The following TOR1AIP2 variants were observed in gnomAD, a reference collection of about 807,000 sequenced individuals.
The protein encoded by TOR1AIP2 is torsin-1A-interacting protein 2.
Under a neutral mutation model 32.6 loss-of-function variants are expected in TOR1AIP2, and 20 were observed. The observed-to-expected ratio is 0.61, with a 90% confidence interval of 0.43 to 0.89. The LOEUF is 0.89. TOR1AIP2 is among the 40% of genes least tolerant of loss of function. The pLI is 0.00. For synonymous variants in TOR1AIP2, 214 were observed against 210.8 expected, an observed-to-expected ratio of 1.02 and a Z score of -0.13; for missense variants, 456 against 553.8, an observed-to-expected ratio of 0.82 and a Z score of 1.77.
chr1:179,863,142 C>A (rs1696617406), intron 3 of TOR1AIP2: 4 of 593,752 alleles, frequency 6.7e-6, no homozygotes, highest in Non-Finnish European at 8.4e-6. Flanking sequence ...AGGAGAATTG[C>A]TTGAACCCGG....
At chr1:179,863,223 C>CTA (rs1361471685) in intron 3 of TOR1AIP2, 1 of 610,446 alleles carries the variant, frequency 1.6e-6, no homozygotes, top group Non-Finnish European at 1.9e-6. Flanking sequence ...GACTCTGTCT[C>CTA]AAAAAAAAAA....
intron 5 of TOR1AIP2, among the ~76,000 whole-genome samples, chr1:179,847,973 C>A (rs957926492): frequency 2.0e-5 from 3 of 147,006 alleles, no homozygotes; most frequent in Non-Finnish European, 4.4e-5. Flanking sequence ...GTGGAGGTTG[C>A]AGTGAGCCGA....
chr1:179,847,858 AC>A (rs1695970056), intron 5 of TOR1AIP2, among the ~76,000 whole-genome samples: 1 of 152,020 alleles, frequency 6.6e-6, no homozygotes, highest in South Asian at 2.1e-4. Flanking sequence ...ACAAGGTGAA[AC>A]CCTGTCTCTA....
rs1167242860 is a variant in TOR1AIP2 at position 179,845,965 on chromosome 1, C to G, written c.*106G>C. 1 of 995,934 alleles carries G rather than the reference C, an allele frequency of 1.0e-6. No individual in the cohort carries two copies. The allele number at this position is 995,934 out of a possible 1,614,324, so 61.7% of individuals were successfully genotyped here. On this transcript the variant is annotated 3_prime_UTR_variant, in exon 7 of 7. Transcript: ENST00000609928. ...AATAAGCTCATCTTTGTTTTTCAGGCTATTTCCTCAAGCTATTTTATCAAC... is the reference window on the plus strand; with the variant it reads ...AATAAGCTCATCTTTGTTTTTCAGGGTATTTCCTCAAGCTATTTTATCAAC...
chr1:179,849,512 C>A (rs1399699346), intron 5 of TOR1AIP2, among the ~76,000 whole-genome samples: 2 of 152,206 alleles, frequency 1.3e-5, no homozygotes, highest in African/African-American at 2.4e-5. Flanking sequence ...GAGTGAGCCA[C>A]CACCCTTGGC....
intron 3 of TOR1AIP2, chr1:179,860,237 C>T (rs2148440897): frequency 2.0e-6 from 2 of 979,058 alleles, no homozygotes; most frequent in Non-Finnish European, 2.4e-6. Context: ...AATCCCAGCA[C>T]TTTGGGAGGC....
chr1:179,860,127 G>T (rs761801503), intron 3 of TOR1AIP2: 78 of 984,952 alleles, frequency 7.9e-5, no homozygotes, highest in Non-Finnish European at 8.6e-5. Context: ...GAATTACAGT[G>T]AGCCACCAGC....
intron 2 of TOR1AIP2, among the ~76,000 whole-genome samples, chr1:179,873,348 G>A (rs1697082000): frequency 6.6e-6 from 1 of 152,174 alleles, no homozygotes; most frequent in Non-Finnish European, 1.5e-5. Flanking sequence ...TTTGTAGAAT[G>A]TTCCTCAGTT....
At chr1:179,875,238 A>C (rs1697150656) in intron 2 of TOR1AIP2, 1 of 152,198 alleles carries the variant, frequency 6.6e-6, no homozygotes, top group South Asian at 2.1e-4. Context: ...CCTGACCTCA[A>C]GTGATCCACC....
At chr1:179,854,688 T>C (rs1445031945) in intron 3 of TOR1AIP2, among the ~76,000 whole-genome samples, 1 of 152,098 alleles carries the variant, frequency 6.6e-6, no homozygotes, top group Non-Finnish European at 1.5e-5. Context: ...CTGACCAACA[T>C]GCTGAAACCC....
At chr1:179,851,886 C>A (rs553484723) in intron 4 of TOR1AIP2, among the ~76,000 whole-genome samples, 1 of 152,192 alleles carries the variant, frequency 6.6e-6, no homozygotes, top group African/African-American at 2.4e-5. Context: ...AACCAGTTTC[C>A]AAGAAATATA....
At position 179,846,609 on chromosome 1, in the gene TOR1AIP2, T is replaced by A. The variant is rs1695915788; in HGVS notation, c.875A>T (p.Glu292Val). The change falls in exon 7 of 7, where the codon GAG (glutamate) becomes GTG (valine). Residue 292 changes from glutamate to valine, a missense_variant. Transcript: ENST00000609928. ...TGCTGTAAATATGATGGTGGCTGGC[T>A]CAGTGGGGTTGGAAGCATTGAGGTG... is the stretch of plus-strand genomic sequence containing the variant. ...QKHLNASNPTEPATIIFTAAR... is the reference protein window; with the variant it reads ...QKHLNASNPTVPATIIFTAAR... 2 of 1,614,122 alleles carry A rather than the reference T, an allele frequency of 1.2e-6. No homozygotes were observed. The highest frequency in any genetic ancestry group is 1.7e-6 in the Non-Finnish European group (2 of 1,180,002).
At position 179,861,493 on chromosome 1, in the gene TOR1AIP2, CTTAATA is replaced by C. The variant is rs147619904; in HGVS notation, c.-147+3937_-147+3942del. 9.9e-4 allele frequency: 976 copies of C among 984,606 alleles called. 32 individuals carry two copies. In the East Asian group the frequency reaches 0.042, roughly 43 times the overall value. The allele number at this position is 984,606 out of a possible 1,614,324, so 61.0% of individuals were successfully genotyped here. On this transcript the variant is annotated intron_variant, in intron 3 of 6. Transcript: ENST00000609928. ...TGATGTTTGAAGGCAAAGTAACCCT[CTTAATA>C]TTAAAATTAATATTTTTGATTCATT...
Position 179,850,284 on chromosome 1 carries a change from G to A in TOR1AIP2, c.553+561C>T, listed in dbSNP as rs143836696. Among the ~76,000 whole-genome samples, 842 of 152,324 alleles carry A rather than the reference G, an allele frequency of 5.5e-3. 9 individuals carry two copies. The highest frequency in any genetic ancestry group is 0.02 in the South Asian group (98 of 4,828). On this transcript the variant is annotated intron_variant, in intron 5 of 6. Coordinates refer to ENST00000609928, the MANE Select transcript of TOR1AIP2 (RefSeq NM_001199260.2). ...AGTTAAGGATTTAGCACACTGCAAC[G>A]CTTAGCTTCATAAGGGAAGACATGC...
At chr1:179,855,031 A>G (rs1284078569) in intron 3 of TOR1AIP2, among the ~76,000 whole-genome samples, 1 of 152,242 alleles carries the variant, frequency 6.6e-6, no homozygotes, top group East Asian at 1.9e-4. Context: ...TAGTGAATAA[A>G]TAGCGTGGGG....
At position 179,840,318 on chromosome 1, in the gene TOR1AIP2, G is replaced by C. The variant is rs1341897021; in HGVS notation, c.*5753C>G. 4 of 152,348 alleles carry C rather than the reference G, an allele frequency of 2.6e-5. No individual in the cohort carries two copies. Among genetic ancestry groups the C allele is most frequent in the South Asian group, 4.1e-4 (2 of 4,828 alleles). 9.4% of individuals were successfully genotyped at this position (152,348 alleles called of 1,614,324 possible). A position where few individuals can be genotyped will look rare whatever the true frequency, so the allele number is the denominator to read the frequency against. ...CAGAGAGTAGGGCTGTGACTGCCGG[G>C]GGCTTGGCCAACTCTGCCCCATACA... On this transcript the variant is annotated 3_prime_UTR_variant, in exon 7 of 7. Transcript: ENST00000609928.
chr1:179,864,745 A>T (rs1362973205), intron 3 of TOR1AIP2: 1 of 1,529,328 alleles, frequency 6.5e-7, no homozygotes, highest in Non-Finnish European at 8.7e-7. Flanking sequence ...CCTACACAAA[A>T]GCCTCTAGAC....
intron 2 of TOR1AIP2, among the ~76,000 whole-genome samples, chr1:179,871,376 T>C (rs775640755): frequency 2.0e-5 from 3 of 152,218 alleles, no homozygotes; most frequent in African/African-American, 4.8e-5. Context: ...CACACCAAAA[T>C]AGAAAATGTA....
chr1:179,850,128 T>TG lies in TOR1AIP2; in HGVS notation c.553+716_553+717insC, dbSNP rs1437750864. Among the ~76,000 whole-genome samples, 223 of 152,324 alleles carry TG rather than the reference T, an allele frequency of 1.5e-3. 1 individual carries two copies. Among genetic ancestry groups the TG allele is most frequent in the African/African-American group, 5.3e-3 (219 of 41,560 alleles). On this transcript the variant is annotated intron_variant, in intron 5 of 6. Transcript: ENST00000609928. Reference sequence around the variant, plus strand: ...CAGAAGGTGAAAGTTAGAAGAATGTTTGGATATCATCTTGTCCAACTTCTT... The same window carrying TG: ...CAGAAGGTGAAAGTTAGAAGAATGTTGTGGATATCATCTTGTCCAACTTCTT...
Sources: gnomAD v4.1 joint callset for allele counts (sites outside exome capture counted in the v4.1 genomes callset) on GRCh38, gnomAD v4.1.1 for gene constraint, MANE v1.5 for transcripts, NCBI Gene and HGNC (gene_info 2026-07-23, HGNC 2026-07-21) for gene names.